The following HIBADH variants were observed in gnomAD, a reference collection of about 807,000 sequenced individuals.
HIBADH encodes 3-hydroxyisobutyrate dehydrogenase, mitochondrial.
HIBADH carries 25 observed loss-of-function variants against 36.1 expected under a neutral mutation model. That is an observed-to-expected ratio of 0.69 (90% CI 0.50 to 0.97). HIBADH has a LOEUF of 0.97. Among genes scored for constraint, HIBADH ranks in the 50% least tolerant of loss-of-function variants. The probability of loss-of-function intolerance (pLI) is 0.00; values close to 1 mark genes in which losing one functional copy is unlikely to be tolerated. For synonymous variants in HIBADH, 160 were observed against 149.5 expected, an observed-to-expected ratio of 1.07 and a Z score of -0.51; for missense variants, 421 against 418.0, an observed-to-expected ratio of 1.01 and a Z score of -0.06.
intron 4 of HIBADH, among the ~76,000 whole-genome samples, chr7:27,618,897 C>G (rs1785485058): frequency 6.6e-6 from 1 of 152,156 alleles, no homozygotes; most frequent in Admixed American, 6.5e-5. Flanking sequence ...TGAGTAGTTA[C>G]TCATTATTGC....
intron 4 of HIBADH, among the ~76,000 whole-genome samples, chr7:27,588,590 C>CA (rs1481304573): frequency 6.6e-6 from 1 of 152,172 alleles, no homozygotes; most frequent in Non-Finnish European, 1.5e-5. Context: ...CTCAGCCTCC[C>CA]AAAGTGCTAG....
At chr7:27,576,845 C>T (rs1452867865) in intron 4 of HIBADH, among the ~76,000 whole-genome samples, 1 of 152,120 alleles carries the variant, frequency 6.6e-6, no homozygotes, top group Non-Finnish European at 1.5e-5. Context: ...TAATTAGAAA[C>T]TGACTTCACT....
intron 4 of HIBADH, among the ~76,000 whole-genome samples, chr7:27,574,574 A>G (rs558761509): frequency 6.2e-4 from 95 of 152,300 alleles, no homozygotes; most frequent in African/African-American, 2.3e-3. Flanking sequence ...GTACATAGAT[A>G]GGTTCAGACA....
chr7:27,647,078 T>C (rs1272289517), intron 2 of HIBADH, among the ~76,000 whole-genome samples: 2 of 152,056 alleles, frequency 1.3e-5, no homozygotes, highest in Non-Finnish European at 2.9e-5. Context: ...AACAATAAAA[T>C]AGAACAATTA....
At chr7:27,587,779 A>G (rs1447523439) in intron 4 of HIBADH, among the ~76,000 whole-genome samples, 1 of 152,200 alleles carries the variant, frequency 6.6e-6, no homozygotes, top group East Asian at 1.9e-4. Flanking sequence ...TCCATTCAAG[A>G]CAACTGAGAA....
chr7:27,546,153 G>A (rs1303122477), intron 4 of HIBADH, among the ~76,000 whole-genome samples: 1 of 152,086 alleles, frequency 6.6e-6, no homozygotes, highest in East Asian at 1.9e-4. Flanking sequence ...TGTCACCCTG[G>A]CTGGAGTGTG....
chr7:27,608,115 T>A (rs1249516532), intron 4 of HIBADH, among the ~76,000 whole-genome samples: 1 of 152,182 alleles, frequency 6.6e-6, no homozygotes, highest in Non-Finnish European at 1.5e-5. Flanking sequence ...ACAATTATGA[T>A]AACCAAAACT....
Position 27,531,344 on chromosome 7 carries a change from C to A in HIBADH, c.700G>T (p.Gly234Trp). 6.2e-7 allele frequency: 1 copy of A among 1,607,642 alleles called. No homozygotes were observed. Among genetic ancestry groups the A allele is most frequent in the South Asian group, 1.1e-5 (1 of 90,100 alleles). ...AEAMNLGIRL[G>W]LDPKLLAKIL... ...TTAGCCAGTAGTTTTGGGTCAAGCC[C>A]TAACCTGTCAAAGGTCAAAGAAAAG... is the stretch of plus-strand genomic sequence containing the variant. The change falls in exon 7 of 8, where the codon GGG becomes TGG. Residue 234 changes from glycine (G) to tryptophan (W), a missense_variant. Transcript: ENST00000265395.
chr7:27,537,705 A>C (rs1231254375), intron 6 of HIBADH, among the ~76,000 whole-genome samples: 1 of 152,198 alleles, frequency 6.6e-6, no homozygotes, highest in Non-Finnish European at 1.5e-5. Context: ...ATGATCATCC[A>C]TAGGAAAAAC....
intron 4 of HIBADH, among the ~76,000 whole-genome samples, chr7:27,616,567 C>T (rs1785432665): frequency 6.6e-6 from 1 of 152,096 alleles, no homozygotes; most frequent in Non-Finnish European, 1.5e-5. Flanking sequence ...GCTCAATCGA[C>T]TCTCCCACCT....
chr7:27,657,559 GAAGTT>G (rs1562663233), intron 1 of HIBADH, among the ~76,000 whole-genome samples: 1 of 152,082 alleles, frequency 6.6e-6, no homozygotes, highest in Non-Finnish European at 1.5e-5. Flanking sequence ...TGAAGCTGAA[GAAGTT>G]AAGAACAATG....
At chr7:27,528,736 A>T (rs1783950363) in intron 7 of HIBADH, among the ~76,000 whole-genome samples, 1 of 152,232 alleles carries the variant, frequency 6.6e-6, no homozygotes, top group Admixed American at 6.5e-5. Flanking sequence ...AAACTGCAGG[A>T]AGTTAGTTAT....
chr7:27,657,939 G>A (rs1432737138), intron 1 of HIBADH, among the ~76,000 whole-genome samples: 1 of 152,122 alleles, frequency 6.6e-6, no homozygotes, highest in Non-Finnish European at 1.5e-5. Context: ...GCACACGATT[G>A]ATAATAAGTA....
chr7:27,604,171 G>C (rs1004492756), intron 4 of HIBADH, among the ~76,000 whole-genome samples: 10 of 152,080 alleles, frequency 6.6e-5, no homozygotes, highest in Middle Eastern at 3.4e-3. Context: ...TAACAAGTAA[G>C]AATTGTTTTT....
intron 2 of HIBADH, among the ~76,000 whole-genome samples, chr7:27,645,110 T>C (rs1371791220): frequency 6.6e-6 from 1 of 152,220 alleles, no homozygotes; most frequent in East Asian, 1.9e-4. Flanking sequence ...ATGAATAATG[T>C]TGCTAAATAC....
chr7:27,582,964 G>A (rs1377944578), intron 4 of HIBADH, among the ~76,000 whole-genome samples: 1 of 152,020 alleles, frequency 6.6e-6, no homozygotes, highest in Non-Finnish European at 1.5e-5. Flanking sequence ...TAAATGAGAT[G>A]ATGTCTGTAA....
chr7:27,620,841 A>T (rs1278037798), intron 4 of HIBADH, among the ~76,000 whole-genome samples: 1 of 152,162 alleles, frequency 6.6e-6, no homozygotes, highest in Non-Finnish European at 1.5e-5. Flanking sequence ...CCATCAGAAA[A>T]TAATTAACAA....
At chr7:27,629,259 T>C in intron 4 of HIBADH, 112 bp downstream of exon 4, 1 of 1,027,974 alleles carries the variant, frequency 9.7e-7, no homozygotes, top group Non-Finnish European at 1.4e-6. Flanking sequence ...TTAATGAGAA[T>C]CCTGTAACAA....
At chr7:27,591,710 A>G (rs533376391) in intron 4 of HIBADH, among the ~76,000 whole-genome samples, 77 of 152,358 alleles carry the variant, frequency 5.1e-4, no homozygotes, top group East Asian at 3.9e-3. Context: ...AGTATTTTCT[A>G]AAAGTACAAC....
Sources: gnomAD v4.1 joint callset for allele counts (sites outside exome capture counted in the v4.1 genomes callset) on GRCh38, gnomAD v4.1.1 for gene constraint, MANE v1.5 for transcripts, NCBI Gene and HGNC (gene_info 2026-07-23, HGNC 2026-07-21) for gene names.